Variants in PLEKHM3 observed in about 807,000 individuals in gnomAD.
PLEKHM3 encodes pleckstrin homology domain-containing family M member 3.
In PLEKHM3, 45 loss-of-function variants were observed where a neutral mutation model predicts 81.8. The observed-to-expected ratio is 0.55, with a 90% CI of 0.43 to 0.71. The LOEUF (loss-of-function observed/expected upper bound fraction) is 0.71. Ranked by LOEUF, PLEKHM3 falls within the 30% of genes least tolerant of loss-of-function variation. The pLI is 0.00. For synonymous variants in PLEKHM3, 352 were observed against 356.4 expected (o/e 0.99, Z 0.14); for missense variants, 788 against 924.3 (o/e 0.85, Z 1.91).
At chr2:207,946,795 C>T (rs1434500668) in intron 3 of PLEKHM3, among the ~76,000 whole-genome samples, 9 of 152,226 alleles carry the variant, frequency 5.9e-5, no homozygotes, top group Non-Finnish European at 1.5e-5. Context: ...TGCCAGAGAT[C>T]AGTCTCTCTA....
rs1309056358 is a variant in PLEKHM3 at position 207,826,366 on chromosome 2, C to G, written c.*1953G>C. On this transcript the variant is annotated 3_prime_UTR_variant, in exon 8 of 8. Transcript: ENST00000427836. ...TTGCCAAGTGTTTGAGATTTTCCAC[C>G]CTTTTTCTTTTGTGTGCAACATTCT... is the stretch of plus-strand genomic sequence containing the variant. The G allele has an allele frequency of 2.0e-5, 3 of 152,154 alleles. No homozygotes were observed. The highest frequency in any genetic ancestry group is 2.1e-4 in the South Asian group (1 of 4,830). 9.4% of individuals were successfully genotyped at this position (152,154 alleles called of 1,614,324 possible). A position where few individuals can be genotyped will look rare whatever the true frequency, so the allele number is the denominator to read the frequency against.
At chr2:207,984,575 T>G (rs1559270298) in intron 2 of PLEKHM3, among the ~76,000 whole-genome samples, 1 of 152,126 alleles carries the variant, frequency 6.6e-6, no homozygotes, top group Non-Finnish European at 1.5e-5. Context: ...GAGACAGAGT[T>G]TCACCATGTT....
Position 207,888,354 on chromosome 2 carries a change from T to TACACACACAC in PLEKHM3, c.1950+20150_1950+20159dup, listed in dbSNP as rs72373527. Among the ~76,000 whole-genome samples, 334 of 150,188 alleles carry TACACACACAC rather than the reference T, an allele frequency of 2.2e-3. 4 individuals are homozygous for TACACACACAC. The highest frequency in any genetic ancestry group is 0.014 in the Middle Eastern group (4 of 294). On this transcript the variant is annotated intron_variant, in intron 6 of 7. Coordinates refer to ENST00000427836, the MANE Select transcript of PLEKHM3 (RefSeq NM_001080475.3). Reference sequence around the variant, plus strand: ...GTCTGCCTTATCCTGCTTTTCTTCATACACACACACACACACACACACACT... The same window carrying TACACACACAC: ...GTCTGCCTTATCCTGCTTTTCTTCATACACACACACACACACACACACACACACACACACT...
chr2:207,893,759 C>A (rs1365885207), intron 6 of PLEKHM3, among the ~76,000 whole-genome samples: 2 of 152,094 alleles, frequency 1.3e-5, no homozygotes, highest in African/African-American at 2.4e-5. Context: ...CACACTGACA[C>A]AGGTCAGTCA....
intron 2 of PLEKHM3, among the ~76,000 whole-genome samples, chr2:207,985,844 C>T (rs936036174): frequency 2.6e-5 from 4 of 151,798 alleles, no homozygotes; most frequent in Non-Finnish European, 1.5e-5. Flanking sequence ...AAAAATTAGC[C>T]GGGTGTGGTG....
rs377510756 is a variant in PLEKHM3, at chr2:207,844,303, CTTT to C, written c.2109-15810_2109-15808del. Reference sequence around the variant, plus strand: ...AATAACAATTCATACATTTATTTTTCTTTTTTTTTTTTTTTTTGAGACGGAGTC... The same window carrying C: ...AATAACAATTCATACATTTATTTTTCTTTTTTTTTTTTTTGAGACGGAGTC... On this transcript the variant is annotated intron_variant, in intron 7 of 7. Transcript: ENST00000427836. 6.9e-3 allele frequency among the ~76,000 whole-genome samples: 858 copies of C among 125,028 alleles called. 4 individuals carry two copies. Among genetic ancestry groups the C allele is most frequent in the African/African-American group, 0.023 (790 of 33,982 alleles). The allele number at this position is 125,028 out of a possible 152,430, so 82.0% of individuals were successfully genotyped here. A position where few individuals can be genotyped will look rare whatever the true frequency, so the allele number is the denominator to read the frequency against.
intron 7 of PLEKHM3, among the ~76,000 whole-genome samples, chr2:207,860,638 C>T (rs1381162163): frequency 6.6e-6 from 1 of 152,136 alleles, no homozygotes; most frequent in African/African-American, 2.4e-5. Flanking sequence ...AAACTTTCAT[C>T]GCTCCACTGC....
chr2:207,831,453 T>C (rs907288204), intron 7 of PLEKHM3, among the ~76,000 whole-genome samples: 10 of 152,194 alleles, frequency 6.6e-5, no homozygotes, highest in Non-Finnish European at 8.8e-5. Context: ...TCAGAACACC[T>C]GTGTCAAACC....
At chr2:207,844,116 A>C (rs905249503) in intron 7 of PLEKHM3, among the ~76,000 whole-genome samples, 44 of 151,830 alleles carry the variant, frequency 2.9e-4, no homozygotes, top group Admixed American at 7.2e-4. Context: ...CTCCATTCTC[A>C]AAGAACGGTC....
rs977215894 is a variant in PLEKHM3 at position 207,896,091 on chromosome 2, A to G, written c.1950+12423T>C. 1.8e-4 allele frequency among the ~76,000 whole-genome samples: 27 copies of G among 152,236 alleles called. No individual in the cohort carries two copies. In the South Asian group the frequency reaches 2.1e-3, roughly 12 times the overall value. ...GCAAACTGGCTGGGAGCCCCCAGAA[A>G]GCAGATACACGCAGAAAGACTTCCA... On this transcript the variant is annotated intron_variant, in intron 6 of 7. Coordinates refer to ENST00000427836, the MANE Select transcript of PLEKHM3 (RefSeq NM_001080475.3).
chr2:207,986,872 G>A lies in PLEKHM3; in HGVS notation c.611-9286C>T, dbSNP rs1277076212. Among the ~76,000 whole-genome samples the A allele has an allele frequency of 2.7e-5, 4 of 147,328 alleles. No homozygotes were observed. In the East Asian group the frequency reaches 7.9e-4, roughly 29 times the overall value. The stretch of plus-strand genomic sequence containing the variant: ...TTTTTTTTTTTTTTGTAGAGACAGG[G>A]CCTCGCTATGTTGCCCAGACTGGTC... On this transcript the variant is annotated intron_variant, in intron 2 of 7. Transcript: ENST00000427836.
intron 4 of PLEKHM3, among the ~76,000 whole-genome samples, chr2:207,937,672 A>G (rs975788796): frequency 6.6e-5 from 10 of 152,222 alleles, no homozygotes; most frequent in African/African-American, 2.4e-4. Context: ...TTATAAAAGT[A>G]ATATAATCCC....
intron 6 of PLEKHM3, among the ~76,000 whole-genome samples, chr2:207,865,791 A>AT (rs2092493062): frequency 8.2e-5 from 3 of 36,644 alleles, no homozygotes; most frequent in African/African-American, 4.7e-4. Context: ...CAAAAAAAAA[A>AT]AAAAAAAAAA....
In PLEKHM3 at chr2:207,825,742, A is replaced by T. The variant is rs370076679; in HGVS notation, c.*2577T>A. 2 of 152,308 alleles carry T rather than the reference A, an allele frequency of 1.3e-5. No individual in the cohort carries two copies. Among genetic ancestry groups the T allele is most frequent in the Admixed American group, 6.5e-5 (1 of 15,292 alleles). 9.4% of individuals were successfully genotyped at this position (152,308 alleles called of 1,614,324 possible). A position where few individuals can be genotyped will look rare whatever the true frequency, so the allele number is the denominator to read the frequency against. On this transcript the variant is annotated 3_prime_UTR_variant, in exon 8 of 8. Transcript: ENST00000427836. ...CCGACCAAGCTGTCAGGGTGGTACG[A>T]AAAGGAGAGGAAACAGGAGTGCTGG...
chr2:207,973,401 C>T (rs1438458793), intron 3 of PLEKHM3, among the ~76,000 whole-genome samples: 1 of 152,154 alleles, frequency 6.6e-6, no homozygotes, highest in East Asian at 1.9e-4. Context: ...GAGACTCTGC[C>T]CCCTACAGGA....
At position 207,880,485 on chromosome 2, in the gene PLEKHM3, C is replaced by T. The variant is rs148451961; in HGVS notation, c.1951-19223G>A. On this transcript the variant is annotated intron_variant, in intron 6 of 7. Coordinates refer to ENST00000427836, the MANE Select transcript of PLEKHM3 (RefSeq NM_001080475.3). ...AGCTTCACAAATAAAAAATAGAGGC[C>T]GGGCGCGGTGGCTCACGCCTGTAAT... Among the ~76,000 whole-genome samples the T allele has an allele frequency of 4.2e-3, 642 of 151,114 alleles. 1 individual carries two copies. The highest frequency in any genetic ancestry group is 0.014 in the African/African-American group (565 of 41,266).
intron 5 of PLEKHM3, among the ~76,000 whole-genome samples, chr2:207,920,241 T>G (rs1399540096): frequency 6.6e-6 from 1 of 152,170 alleles, no homozygotes; most frequent in Non-Finnish European, 1.5e-5. Flanking sequence ...CTGACAAACA[T>G]GTAGGAGCAA....
At chr2:207,972,542 A>T (rs1691161592) in intron 3 of PLEKHM3, among the ~76,000 whole-genome samples, 1 of 151,224 alleles carries the variant, frequency 6.6e-6, no homozygotes, top group African/African-American at 2.4e-5. Context: ...AGCCGAGATC[A>T]TAACACTGCA....
At chr2:207,971,143 C>T (rs900752640) in intron 3 of PLEKHM3, among the ~76,000 whole-genome samples, 8 of 152,240 alleles carry the variant, frequency 5.3e-5, no homozygotes, top group Non-Finnish European at 1.2e-4. Flanking sequence ...CTTTGCATCT[C>T]TTGTCACACT....
Sources: gnomAD v4.1 joint callset for allele counts (sites outside exome capture counted in the v4.1 genomes callset) on GRCh38, gnomAD v4.1.1 for gene constraint, MANE v1.5 for transcripts, NCBI Gene and HGNC (gene_info 2026-07-23, HGNC 2026-07-21) for gene names.